The following PARD3B variants were observed in gnomAD, a reference collection of about 807,000 sequenced individuals.
PARD3B encodes the protein par-3 family cell polarity regulator beta, also known as partitioning defective 3 homolog B.
PARD3B carries 103 observed loss-of-function variants against 130.2 expected under a neutral mutation model. That is an observed-to-expected ratio of 0.79 (90% CI 0.67 to 0.93). The LOEUF (loss-of-function observed/expected upper bound fraction) is 0.93, where lower values mean the gene tolerates loss of function less well. Ranked by LOEUF, PARD3B falls within the 40% of genes least tolerant of loss-of-function variation. The probability of loss-of-function intolerance (pLI) is 0.00; values close to 1 mark genes in which losing one functional copy is unlikely to be tolerated. For missense variants in PARD3B, 1,609 were observed against 1,499.2 expected, an observed-to-expected ratio of 1.07 and a Z score of -1.21; for synonymous variants, 583 against 553.2, an observed-to-expected ratio of 1.05 and a Z score of -0.76.
chr2:204,937,647 C>A (rs970546178), intron 2 of PARD3B, among the ~76,000 whole-genome samples: 16 of 152,130 alleles, frequency 1.1e-4, no homozygotes, highest in Non-Finnish European at 1.8e-4. Context: ...TAGTATGTGT[C>A]AGCGCCACTA....
At chr2:205,218,722 C>T (rs1002663353) in intron 15 of PARD3B, among the ~76,000 whole-genome samples, 1 of 152,052 alleles carries the variant, frequency 6.6e-6, no homozygotes, top group Non-Finnish European at 1.5e-5. Flanking sequence ...TTTTCCCTCC[C>T]TTTATTATTT....
At chr2:205,054,416 A>ATG (rs1699459869) in intron 4 of PARD3B, among the ~76,000 whole-genome samples, 1 of 17,666 alleles carries the variant, frequency 5.7e-5, no homozygotes, top group Non-Finnish European at 1.4e-4. Flanking sequence ...ATATATATAT[A>ATG]TATATATATA....
intron 4 of PARD3B, among the ~76,000 whole-genome samples, chr2:205,088,762 A>G (rs1341609885): frequency 6.6e-6 from 1 of 150,918 alleles, no homozygotes; most frequent in East Asian, 1.9e-4. Flanking sequence ...GCCAATCATA[A>G]TGCAAAGTAT....
At chr2:205,432,902 G>A (rs2047385768) in intron 19 of PARD3B, among the ~76,000 whole-genome samples, 1 of 152,020 alleles carries the variant, frequency 6.6e-6, no homozygotes, top group African/African-American at 2.4e-5. Flanking sequence ...AGCCTTTGAT[G>A]TTGACAATAC....
chr2:204,946,634 G>C (rs1277312219), intron 2 of PARD3B, among the ~76,000 whole-genome samples: 1 of 152,128 alleles, frequency 6.6e-6, no homozygotes, highest in East Asian at 1.9e-4. Context: ...GTACTGTCAG[G>C]GTTCTCCAGA....
chr2:204,999,853 G>A (rs1218009500), intron 3 of PARD3B, among the ~76,000 whole-genome samples: 1 of 152,124 alleles, frequency 6.6e-6, no homozygotes, highest in African/African-American at 2.4e-5. Flanking sequence ...GAAAATGTTT[G>A]GCATGCATTC....
intron 21 of PARD3B, among the ~76,000 whole-genome samples, chr2:205,524,947 G>A (rs748542033): frequency 6.6e-6 from 1 of 152,194 alleles, no homozygotes; most frequent in South Asian, 2.1e-4. Context: ...GAATCTGGGA[G>A]ATCAGTAGTA....
At position 205,104,454 on chromosome 2, in the gene PARD3B, A is replaced by T. The variant is rs1371568663; in HGVS notation, c.533A>T (p.Glu178Val). ...TCCACGCAGAACTTGGAAGACAGAGAAGTTTTGAATGGTGTACAGACAGAA... is the reference window on the plus strand; with the variant it reads ...TCCACGCAGAACTTGGAAGACAGAGTAGTTTTGAATGGTGTACAGACAGAA... The part of the protein sequence containing the change: ...PDSTQNLEDR[E>V]VLNGVQTELL... The change falls in exon 5 of 23, where the codon GAA becomes GTA. Residue 178 changes from glutamate to valine, a missense_variant. Transcript: ENST00000406610. The T allele has an allele frequency of 3.1e-6, 5 of 1,603,208 alleles. No homozygotes were observed. Among genetic ancestry groups the T allele is most frequent in the Non-Finnish European group, 4.3e-6 (5 of 1,170,222 alleles).
At chr2:205,333,307 T>TTGATTTCAAAAAC (rs111234125) in intron 18 of PARD3B, among the ~76,000 whole-genome samples, 5,190 of 152,212 alleles carry the variant, frequency 0.034, 107 homozygotes, top group Middle Eastern at 0.058. Flanking sequence ...AAAGACACAT[T>TTGATTTCAAAAAC]TTAGTATAAA....
chr2:205,444,396 G>A (rs1019640628), intron 20 of PARD3B, among the ~76,000 whole-genome samples: 1 of 152,172 alleles, frequency 6.6e-6, no homozygotes, highest in Non-Finnish European at 1.5e-5. Flanking sequence ...CAAGGCTGTA[G>A]TGACCTGTTG....
chr2:205,172,605 T>G (rs1355185638), intron 12 of PARD3B, among the ~76,000 whole-genome samples: 1 of 152,222 alleles, frequency 6.6e-6, no homozygotes, highest in Non-Finnish European at 1.5e-5. Flanking sequence ...AATTTCTAGT[T>G]TTTTCCCCCA....
At chr2:205,065,727 G>C (rs1700330584) in intron 4 of PARD3B, among the ~76,000 whole-genome samples, 1 of 152,118 alleles carries the variant, frequency 6.6e-6, no homozygotes, top group African/African-American at 2.4e-5. Context: ...AAGCCAGGAT[G>C]CCCAATGGAT....
chr2:204,966,757 T>A (rs1396308436), intron 3 of PARD3B, among the ~76,000 whole-genome samples: 1 of 152,190 alleles, frequency 6.6e-6, no homozygotes. Context: ...CAGCCGAGAT[T>A]CCCCTTCTTT....
chr2:204,999,265 A>G (rs1003042554), intron 3 of PARD3B, among the ~76,000 whole-genome samples: 3 of 152,132 alleles, frequency 2.0e-5, no homozygotes, highest in African/African-American at 4.8e-5. Context: ...CATTGCTACA[A>G]AAGCACTAAG....
chr2:204,572,936 T>C (rs1234512227), intron 1 of PARD3B, among the ~76,000 whole-genome samples: 1 of 152,176 alleles, frequency 6.6e-6, no homozygotes, highest in Non-Finnish European at 1.5e-5. Context: ...CACTCTCTTC[T>C]TGGGAAATTG....
intron 2 of PARD3B, among the ~76,000 whole-genome samples, chr2:204,808,416 G>A (rs2042850566): frequency 6.6e-6 from 1 of 152,026 alleles, no homozygotes; most frequent in African/African-American, 2.4e-5. Context: ...GGAGTTTGTT[G>A]TACAGATTAT....
chr2:205,196,042 A>G (rs2125813782), intron 15 of PARD3B, among the ~76,000 whole-genome samples: 1 of 152,236 alleles, frequency 6.6e-6, no homozygotes, highest in East Asian at 1.9e-4. Flanking sequence ...AGTGGCTTCC[A>G]TTTACTTATT....
At chr2:204,699,421 A>G (rs995838012) in intron 2 of PARD3B, among the ~76,000 whole-genome samples, 3 of 152,154 alleles carry the variant, frequency 2.0e-5, no homozygotes, top group African/African-American at 7.2e-5. Context: ...ATGGCTGTCA[A>G]AATCAGGGTT....
At position 205,004,671 on chromosome 2, in the gene PARD3B, C is replaced by T. The variant is rs1201940740; in HGVS notation, c.394+39348C>T. ...GGCAATGTCATATCAATAATATTTT[C>T]ATAAATTAAATTAAGATACATGGGG... is the stretch of plus-strand genomic sequence containing the variant. On this transcript the variant is annotated intron_variant, in intron 3 of 22. Coordinates refer to ENST00000406610, the MANE Select transcript of PARD3B (RefSeq NM_001302769.2). Among the ~76,000 whole-genome samples the T allele has an allele frequency of 3.3e-5, 5 of 152,230 alleles. No homozygotes were observed. The East Asian group carries it at 7.7e-4, about 24-fold the overall frequency.
Sources: allele counts gnomAD v4.1 joint callset (sites outside exome capture counted in the v4.1 genomes callset), GRCh38; gene constraint gnomAD v4.1.1; transcripts MANE v1.5; gene names NCBI Gene and HGNC (gene_info 2026-07-23, HGNC 2026-07-21).